The following ZNF578 variants were observed in gnomAD, a reference collection of about 807,000 sequenced individuals.
ZNF578 encodes the protein Putative chemokine-related protein B42.
ZNF578 carries 8 observed loss-of-function variants against 8.3 expected under a neutral mutation model. That is an observed-to-expected ratio of 0.96 (90% CI 0.56 to 1.74). ZNF578 has a LOEUF of 1.74. Among genes scored for constraint, ZNF578 ranks in the 40% most tolerant of loss-of-function variants. ZNF578 has a pLI of 0.00. For synonymous variants in ZNF578, 206 were observed against 232.2 expected, an observed-to-expected ratio of 0.89 and a Z score of 1.03; for missense variants, 726 against 707.5, an observed-to-expected ratio of 1.03 and a Z score of -0.30.
rs75733060 is a variant in ZNF578 at position 52,481,839 on chromosome 19, T to C, written c.-121-9485T>C. Among the ~76,000 whole-genome samples, 543 of 152,006 alleles carry C rather than the reference T, an allele frequency of 3.6e-3. 8 individuals carry two copies. The East Asian group carries it at 0.056, about 16-fold the overall frequency. ...TTGACCTGCTAGGCTCAAGCAATCC[T>C]CCTACTTCAGCCTCCCGAGTAGCTG... is the stretch of plus-strand genomic sequence containing the variant. On this transcript the variant is annotated intron_variant, in intron 2 of 5. Transcript: ENST00000421239.
chr19:52,479,943 T>C (rs2059320254), intron 2 of ZNF578, among the ~76,000 whole-genome samples: 1 of 152,116 alleles, frequency 6.6e-6, no homozygotes, highest in Non-Finnish European at 1.5e-5. Context: ...GCAGTCTCGC[T>C]CTGTCTCCCA....
chr19:52,473,595 G>C (rs2059298864), intron 2 of ZNF578: 1 of 183,824 alleles, frequency 5.4e-6, no homozygotes, highest in African/African-American at 2.4e-5. Context: ...TGAACTATCT[G>C]ATGTTTTGCA....
In ZNF578 at chr19:52,456,770, A is replaced by C. The variant is rs537005026; in HGVS notation, c.-212-98A>C. 3 of 154,850 alleles carry C rather than the reference A, an allele frequency of 1.9e-5. No individual in the cohort carries two copies. In the East Asian group the frequency reaches 5.8e-4, roughly 30 times the overall value. 9.6% of individuals were successfully genotyped at this position (154,850 alleles called of 1,614,324 possible). On this transcript the variant is annotated intron_variant, in intron 1 of 5. Coordinates refer to ENST00000421239, the MANE Select transcript of ZNF578 (RefSeq NM_001099694.2). ...TTTCCTGTGTATGTGGTTGTGGCAC[A>C]GGGAGGGGGTGTGTTGATTTTGAGC...
rs769714519 is a variant in ZNF578 at position 52,511,335 on chromosome 19, T to C, written c.954T>C (p.Asn318=). 9.9e-6 allele frequency: 16 copies of C among 1,613,960 alleles called. No homozygotes were observed. Among genetic ancestry groups the C allele is most frequent in the Non-Finnish European group, 1.4e-5 (16 of 1,179,956 alleles). ...CTGGTGAGAAACCTTACAAGTGTAATGAATGTGGAAAGTCCTTCAGTTACA... is the reference window on the plus strand; with the variant it reads ...CTGGTGAGAAACCTTACAAGTGTAACGAATGTGGAAAGTCCTTCAGTTACA... ...CHTGEKPYKC[N]ECGKSFSYKS... is the part of the protein sequence containing the mutation. Residue 318 remains asparagine (N), a synonymous_variant, in exon 6 of 6, where the codon AAT becomes AAC. Transcript: ENST00000421239.
At chr19:52,470,254 C>T (rs1203051671) in intron 2 of ZNF578, among the ~76,000 whole-genome samples, 2 of 152,148 alleles carry the variant, frequency 1.3e-5, no homozygotes, top group African/African-American at 2.4e-5. Flanking sequence ...TCTCAGGATC[C>T]TCCCCCACCA....
chr19:52,470,510 A>C (rs1328854556), intron 2 of ZNF578, among the ~76,000 whole-genome samples: 1 of 152,190 alleles, frequency 6.6e-6, no homozygotes, highest in Non-Finnish European at 1.5e-5. Context: ...TGGTTCATAA[A>C]GTATTGTTTC....
chr19:52,475,419 T>G (rs2122819302), intron 2 of ZNF578, among the ~76,000 whole-genome samples: 1 of 151,342 alleles, frequency 6.6e-6, no homozygotes, highest in Admixed American at 6.6e-5. Context: ...TGGAGTGCAG[T>G]GATCTCTGCT....
rs572206484 is a variant in ZNF578, at chr19:52,511,027, T to C, written c.646T>C (p.Ser216Pro). 3 of 1,614,198 alleles carry C rather than the reference T, an allele frequency of 1.9e-6. No individual in the cohort carries two copies. The East Asian group carries it at 6.7e-5, about 36-fold the overall frequency. Residue 216 changes from serine (S) to proline (P), a missense_variant, in exon 6 of 6, where the codon TCA (serine) becomes CCA (proline). Transcript: ENST00000421239. Reference sequence around the variant, plus strand: ...CTATGGGAATAATTTTTTCCATTCATCATTACTCACACAAAAACAGGAAGT... The same window carrying C: ...CTATGGGAATAATTTTTTCCATTCACCATTACTCACACAAAAACAGGAAGT... ...NNYGNNFFHS[S>P]LLTQKQEVHM...
chr19:52,488,466 G>A (rs1468369925), intron 2 of ZNF578, among the ~76,000 whole-genome samples: 29 of 151,818 alleles, frequency 1.9e-4, no homozygotes, highest in African/African-American at 2.4e-4. Context: ...AAAATTAGCC[G>A]GGCGTGGTGG....
chr19:52,478,787 C>T (rs575247306), intron 2 of ZNF578, among the ~76,000 whole-genome samples: 1 of 151,978 alleles, frequency 6.6e-6, no homozygotes, highest in African/African-American at 2.4e-5. Flanking sequence ...GATCTCAGCT[C>T]ACTGCAACCT....
intron 5 of ZNF578, among the ~76,000 whole-genome samples, chr19:52,507,507 G>T (rs1396951375): frequency 6.6e-6 from 1 of 152,190 alleles, no homozygotes; most frequent in Non-Finnish European, 1.5e-5. Context: ...CTGCACTCCA[G>T]CCTGGGTGAT....
chr19:52,489,977 C>A (rs1412885866), intron 2 of ZNF578, among the ~76,000 whole-genome samples: 1 of 152,182 alleles, frequency 6.6e-6, no homozygotes, highest in East Asian at 1.9e-4. Flanking sequence ...AATTCTCTCA[C>A]AGACACCATC....
intron 2 of ZNF578, chr19:52,458,819 TTTG>T (rs1280229110): frequency 1.3e-5 from 2 of 152,172 alleles, no homozygotes; most frequent in African/African-American, 2.4e-5. Flanking sequence ...GGAATAAAGT[TTTG>T]TTGTTTAAAA....
chr19:52,500,302 G>A lies in ZNF578; in HGVS notation c.-19-1525G>A, dbSNP rs371197058. 1.2e-4 allele frequency among the ~76,000 whole-genome samples: 18 copies of A among 152,270 alleles called. No individual in the cohort carries two copies. In the South Asian group the frequency reaches 1.9e-3, roughly 16 times the overall value. ...TGTAAGAAGTACGTTGGTTTGGTCT[G>A]GGAAGGTGGGAGAACTTTAAACAAA... On this transcript the variant is annotated intron_variant, in intron 3 of 5. Coordinates refer to ENST00000421239, the MANE Select transcript of ZNF578 (RefSeq NM_001099694.2).
chr19:52,494,768 G>A (rs1401929907), intron 3 of ZNF578, among the ~76,000 whole-genome samples: 1 of 152,042 alleles, frequency 6.6e-6, no homozygotes, highest in Admixed American at 6.6e-5. Flanking sequence ...CCCAGGGTGG[G>A]GTAGGAAGTG....
rs1041375120 is a variant in ZNF578, at chr19:52,515,612, T to A, written c.*3458T>A. On this transcript the variant is annotated 3_prime_UTR_variant, in exon 6 of 6. Transcript: ENST00000421239. ...GTAACTTGGTGAAAATGTCTTCCGA[T>A]CTGAGCCCCAGTGAGCCTCCCTGCA... Among the ~76,000 whole-genome samples the A allele has an allele frequency of 9.9e-5, 15 of 152,076 alleles. No homozygotes were observed. The highest frequency in any genetic ancestry group is 8.8e-5 in the Non-Finnish European group (6 of 68,006).
intron 2 of ZNF578, among the ~76,000 whole-genome samples, chr19:52,488,068 C>T (rs2059351970): frequency 6.6e-6 from 1 of 151,938 alleles, no homozygotes; most frequent in African/African-American, 2.4e-5. Context: ...AATTCTACTG[C>T]CTCAGCCTCA....
At chr19:52,455,750 T>C (rs558979224) in intron 1 of ZNF578, 2 of 152,350 alleles carry the variant, frequency 1.3e-5, no homozygotes, top group South Asian at 2.1e-4. Flanking sequence ...GGTGAACATA[T>C]TGGCATATAT....
intron 2 of ZNF578, among the ~76,000 whole-genome samples, chr19:52,467,476 C>T (rs1234861135): frequency 1.3e-5 from 2 of 151,976 alleles, no homozygotes; most frequent in South Asian, 2.1e-4. Context: ...TTTAGCTGAG[C>T]GTGGTGGCAC....
Sources: gnomAD v4.1 joint callset for allele counts (sites outside exome capture counted in the v4.1 genomes callset) on GRCh38, gnomAD v4.1.1 for gene constraint, MANE v1.5 for transcripts, NCBI Gene and HGNC (gene_info 2026-07-23, HGNC 2026-07-21) for gene names.